The following GOSR1 variants were observed in gnomAD, a reference collection of about 807,000 sequenced individuals.
GOSR1 encodes the protein 28 kDa Golgi SNARE protein.
GOSR1 carries 21 observed loss-of-function variants against 35.5 expected under a neutral mutation model. The observed-to-expected ratio is 0.59, with a 90% CI of 0.42 to 0.85. GOSR1 has a LOEUF of 0.85. Ranked by LOEUF, GOSR1 falls within the 40% of genes least tolerant of loss-of-function variation. GOSR1 has a pLI of 0.00. For synonymous variants in GOSR1, 94 were observed against 106.6 expected (o/e 0.88, Z 0.73); for missense variants, 285 against 309.6 (o/e 0.92, Z 0.60).
At chr17:30,494,579 C>T (rs1312496598) in intron 6 of GOSR1, among the ~76,000 whole-genome samples, 2 of 152,006 alleles carry the variant, frequency 1.3e-5, no homozygotes, top group Non-Finnish European at 2.9e-5. Flanking sequence ...TTCTTCTCCC[C>T]ACCCCAAGAA....
chr17:30,502,694 A>G (rs1300087593), intron 6 of GOSR1, among the ~76,000 whole-genome samples: 4 of 152,254 alleles, frequency 2.6e-5, no homozygotes, highest in Non-Finnish European at 4.4e-5. Flanking sequence ...TCATCTACCC[A>G]GACTGAAAGG....
chr17:30,519,857 T>C, intron 7 of GOSR1, 82 bp from the exon 8 acceptor site: 1 of 838,876 alleles, frequency 1.2e-6, no homozygotes, highest in Non-Finnish European at 2.0e-6. Flanking sequence ...CTCACTGTAG[T>C]TTTCTTTCAC....
rs1288580437 is a variant in GOSR1, at chr17:30,526,650, T to G, written c.*4272T>G. On this transcript the variant is annotated 3_prime_UTR_variant, in exon 9 of 9. Coordinates refer to ENST00000451249, the MANE Select transcript of GOSR1 (RefSeq NM_001007025.2). ...TGCCAATACAGATTTTTAAAACCTA[T>G]TGTTTTCCAAATGCACTTTGTAAGT... 6.6e-6 allele frequency: 1 copy of G among 152,664 alleles called. No homozygotes were observed. Among genetic ancestry groups the G allele is most frequent in the South Asian group, 2.1e-4 (1 of 4,834 alleles). The allele number at this position is 152,664 out of a possible 1,614,324, so 9.5% of individuals were successfully genotyped here. A position where few individuals can be genotyped will look rare whatever the true frequency, so the allele number is the denominator to read the frequency against.
chr17:30,483,920 G>A (rs1914510878), intron 2 of GOSR1, among the ~76,000 whole-genome samples: 2 of 152,184 alleles, frequency 1.3e-5, no homozygotes, highest in Non-Finnish European at 2.9e-5. Context: ...GTATATATTG[G>A]ATTTAAAGCC....
intron 7 of GOSR1, among the ~76,000 whole-genome samples, chr17:30,514,300 C>T (rs4794874): frequency 0.88 from 133,745 of 152,186 alleles, 59,008 homozygotes; most frequent in African/African-American, 0.96. Flanking sequence ...TCCTCCATTA[C>T]CCTAAAATAA....
chr17:30,489,027 G>T (rs960629890), intron 4 of GOSR1, among the ~76,000 whole-genome samples: 2 of 152,196 alleles, frequency 1.3e-5, no homozygotes, highest in Non-Finnish European at 2.9e-5. Flanking sequence ...GTGTACATCA[G>T]AATGTATATT....
rs533315014 is a variant in GOSR1, at chr17:30,521,371, T to C, written c.623-883T>C. Reference sequence around the variant, plus strand: ...CTAATTTTTGTATGTTTTGTAGAGATGGGGTTTCACCATGTTGCCCAGGCG... The same window carrying C: ...CTAATTTTTGTATGTTTTGTAGAGACGGGGTTTCACCATGTTGCCCAGGCG... On this transcript the variant is annotated intron_variant, in intron 8 of 8. Transcript: ENST00000451249. 2.7e-3 allele frequency among the ~76,000 whole-genome samples: 416 copies of C among 151,534 alleles called. 2 individuals are homozygous for C. Among genetic ancestry groups the C allele is most frequent in the African/African-American group, 9.7e-3 (400 of 41,346 alleles).
At chr17:30,506,034 G>A (rs1161912115) in intron 6 of GOSR1, among the ~76,000 whole-genome samples, 2 of 152,160 alleles carry the variant, frequency 1.3e-5, no homozygotes, top group African/African-American at 4.8e-5. Context: ...CCGGCCAGTT[G>A]TGTGTGTTCT....
intron 1 of GOSR1, among the ~76,000 whole-genome samples, chr17:30,480,702 C>T (rs983055509): frequency 5.6e-4 from 68 of 121,366 alleles, no homozygotes; most frequent in Non-Finnish European, 6.4e-4. Flanking sequence ...TGGTTTCCTT[C>T]TTTTAAGACT....
chr17:30,477,827 G>A, intron 1 of GOSR1: 1 of 985,362 alleles, frequency 1.0e-6, no homozygotes, highest in Non-Finnish European at 1.2e-6. Flanking sequence ...TGAGGGAGAA[G>A]ATCCAGAGCC....
At chr17:30,502,704 G>A (rs979729772) in intron 6 of GOSR1, among the ~76,000 whole-genome samples, 10 of 152,176 alleles carry the variant, frequency 6.6e-5, no homozygotes, top group African/African-American at 1.4e-4. Flanking sequence ...AGACTGAAAG[G>A]AATTATGCCA....
chr17:30,488,284 C>A (rs780045206), intron 4 of GOSR1, among the ~76,000 whole-genome samples: 2 of 150,456 alleles, frequency 1.3e-5, no homozygotes, highest in Non-Finnish European at 3.0e-5. Flanking sequence ...CCTGCCTCAG[C>A]CTCCCGAGTA....
chr17:30,507,335 C>A (rs967277970), intron 6 of GOSR1, among the ~76,000 whole-genome samples: 1 of 152,104 alleles, frequency 6.6e-6, no homozygotes, highest in Non-Finnish European at 1.5e-5. Context: ...TGATTTCAAC[C>A]GTCATGAATA....
At position 30,510,958 on chromosome 17, in the gene GOSR1, G is replaced by A. The variant is rs377245719; in HGVS notation, c.539+49G>A. On this transcript the variant is annotated intron_variant, in intron 7 of 8. Coordinates refer to ENST00000451249, the MANE Select transcript of GOSR1 (RefSeq NM_001007025.2). ...TTTGTTGGTTTTTGTTTGTTTGCAC[G>A]TAAATTTAATGAACAGTGTTACAGC... 5.6e-5 allele frequency: 63 copies of A among 1,128,986 alleles called. 1 individual carries two copies. The highest frequency in any genetic ancestry group is 2.1e-5 in the Non-Finnish European group (16 of 745,806). 69.9% of individuals were successfully genotyped at this position (1,128,986 alleles called of 1,614,324 possible). A position where few individuals can be genotyped will look rare whatever the true frequency, so the allele number is the denominator to read the frequency against.
chr17:30,510,324 T>C (rs1967569188), intron 6 of GOSR1, among the ~76,000 whole-genome samples: 1 of 151,380 alleles, frequency 6.6e-6, no homozygotes, highest in Non-Finnish European at 1.5e-5. Context: ...TCTGCCTGCA[T>C]TGGCCTCCCA....
chr17:30,492,607 A>T lies in GOSR1; in HGVS notation c.435-72A>T, dbSNP rs1329331483. On this transcript the variant is annotated intron_variant, in intron 5 of 8. Transcript: ENST00000451249. ...GAGGCTCAATTTTTCTACTTTCAAG[A>T]TCACTAGGGTCAGTCAATCTGATTT... is the stretch of plus-strand genomic sequence containing the variant. 8.4e-6 allele frequency: 7 copies of T among 832,872 alleles called. No homozygotes were observed. In the Admixed American group the frequency reaches 1.4e-4, roughly 17 times the overall value. The allele number at this position is 832,872 out of a possible 1,614,324, so 51.6% of individuals were successfully genotyped here.
chr17:30,494,298 T>C (rs1041561283), intron 6 of GOSR1, among the ~76,000 whole-genome samples: 5 of 152,190 alleles, frequency 3.3e-5, no homozygotes, highest in Admixed American at 1.3e-4. Context: ...TAGCAATTTA[T>C]GTTATGGATG....
chr17:30,482,045 T>C (rs1914390894), intron 2 of GOSR1, among the ~76,000 whole-genome samples: 1 of 152,092 alleles, frequency 6.6e-6, no homozygotes, highest in African/African-American at 2.4e-5. Context: ...TGAACCCCCA[T>C]GACCCTATCT....
At chr17:30,484,495 T>C (rs536841146) in intron 3 of GOSR1, among the ~76,000 whole-genome samples, 168 bp from the exon 4 acceptor site, 4 of 152,010 alleles carry the variant, frequency 2.6e-5, no homozygotes, top group African/African-American at 9.7e-5. Context: ...TTATGGATTA[T>C]GTGGGGGAAT....
Sources: gnomAD v4.1 joint callset for allele counts (sites outside exome capture counted in the v4.1 genomes callset) on GRCh38, gnomAD v4.1.1 for gene constraint, MANE v1.5 for transcripts, NCBI Gene and HGNC (gene_info 2026-07-23, HGNC 2026-07-21) for gene names.